NCR3LG1: variants seen among roughly 807,000 people sequenced by gnomAD.
The protein encoded by NCR3LG1 is natural cytotoxicity triggering receptor 3 ligand 1.
NCR3LG1 carries 35 observed loss-of-function variants against 34.8 expected under a neutral mutation model. The ratio of observed to expected loss-of-function variants is 1.01; its 90% CI spans 0.77 to 1.33. NCR3LG1 has a LOEUF of 1.33. Among genes scored for constraint, NCR3LG1 ranks in the 40% most tolerant of loss-of-function variants. NCR3LG1 has a pLI of 0.00. For missense variants in NCR3LG1, 452 were observed against 423.3 expected (o/e 1.07, Z -0.60); for synonymous variants, 173 against 163.6 (o/e 1.06, Z -0.44).
downstream of NCR3LG1, among the ~76,000 whole-genome samples, chr11:17,378,619 A>G (rs1189938538): frequency 6.6e-6 from 1 of 152,158 alleles, no homozygotes; most frequent in African/African-American, 2.4e-5. Context: ...TCCAGCAGGA[A>G]GCAGCCAGGA....
chr11:17,373,120 TCAGA>T lies in NCR3LG1; in HGVS notation c.*612_*615del, dbSNP rs1224159852. On this transcript the variant is annotated 3_prime_UTR_variant, in exon 5 of 5. Transcript: ENST00000338965. ...TAATTTTGAAAGACAAGTTTATTAC[TCAGA>T]CAGCCCCTGATATCAGAAGGAAGCT... 2.0e-5 allele frequency: 3 copies of T among 152,184 alleles called. No individual in the cohort carries two copies. The highest frequency in any genetic ancestry group is 4.4e-5 in the Non-Finnish European group (3 of 68,062). 9.4% of individuals were successfully genotyped at this position (152,184 alleles called of 1,614,324 possible). A position where few individuals can be genotyped will look rare whatever the true frequency, so the allele number is the denominator to read the frequency against.
In NCR3LG1 at chr11:17,367,213, T is replaced by G; in HGVS notation, c.626T>G (p.Val209Gly). 1 of 1,536,470 alleles carries G rather than the reference T, an allele frequency of 6.5e-7. No individual in the cohort carries two copies. The highest frequency in any genetic ancestry group is 1.4e-5 in the African/African-American group (1 of 73,138). ...TIKNMDGTFNVTSCLKLNSSQ... is the reference protein window; with the variant it reads ...TIKNMDGTFNGTSCLKLNSSQ... ...AAGAATATGGATGGCACATTTAATG[T>G]CACTAGCTGCTTGAAGCTGAACTCC... is the stretch of plus-strand genomic sequence containing the variant. Residue 209 changes from valine (V) to glycine (G), a missense_variant, in exon 3 of 5, where the codon GTC becomes GGC. Physicochemically the swap from Val to Gly is moderately radical, Grantham distance 109. Coordinates refer to ENST00000338965, the MANE Select transcript of NCR3LG1 (RefSeq NM_001202439.3).
chr11:17,358,835 A>T (rs1159935263), intron 2 of NCR3LG1, among the ~76,000 whole-genome samples: 1 of 151,740 alleles, frequency 6.6e-6, no homozygotes, highest in African/African-American at 2.4e-5. Flanking sequence ...TTTTTCTCAA[A>T]TTTTTCCAGC....
chr11:17,378,914 A>G (rs780603750), downstream of NCR3LG1, among the ~76,000 whole-genome samples: 9 of 152,180 alleles, frequency 5.9e-5, no homozygotes, highest in Non-Finnish European at 1.0e-4. Flanking sequence ...TCCCTGAGAC[A>G]TGCGCAGTAA....
intron 2 of NCR3LG1, among the ~76,000 whole-genome samples, chr11:17,364,187 G>A (rs2133354014): frequency 6.6e-6 from 1 of 151,774 alleles, no homozygotes; most frequent in East Asian, 1.9e-4. Flanking sequence ...TTTCAGTTTG[G>A]GAAGTTTCTT....
Position 17,368,293 on chromosome 11 carries a change from G to A in NCR3LG1, c.761-574G>A, listed in dbSNP as rs561620981. On this transcript the variant is annotated intron_variant, in intron 3 of 4. Coordinates refer to ENST00000338965, the MANE Select transcript of NCR3LG1 (RefSeq NM_001202439.3). ...GCTCATATGCCTTGGTCATAGCTCTGGTCTTGGGTGTGGGTGGCTCTGCTG... is the reference window on the plus strand; with the variant it reads ...GCTCATATGCCTTGGTCATAGCTCTAGTCTTGGGTGTGGGTGGCTCTGCTG... Among the ~76,000 whole-genome samples, 4 of 152,266 alleles carry A rather than the reference G, an allele frequency of 2.6e-5. No homozygotes were observed. In the South Asian group the frequency reaches 8.3e-4, roughly 32 times the overall value.
chr11:17,374,807 C>T lies in NCR3LG1; in HGVS notation c.*2295C>T, dbSNP rs1448695083. The stretch of plus-strand genomic sequence containing the variant: ...TAAAACTCACTTCCTGACCTGGGAA[C>T]CTGAAGGTCAAAAGGCCATTAATCA... On this transcript the variant is annotated 3_prime_UTR_variant, in exon 5 of 5. Coordinates refer to ENST00000338965, the MANE Select transcript of NCR3LG1 (RefSeq NM_001202439.3). 2 of 152,160 alleles carry T rather than the reference C, an allele frequency of 1.3e-5. No individual in the cohort carries two copies. Among genetic ancestry groups the T allele is most frequent in the Non-Finnish European group, 2.9e-5 (2 of 68,018 alleles). 9.4% of individuals were successfully genotyped at this position (152,160 alleles called of 1,614,324 possible). A position where few individuals can be genotyped will look rare whatever the true frequency, so the allele number is the denominator to read the frequency against.
chr11:17,374,540 G>C lies in NCR3LG1; in HGVS notation c.*2028G>C, dbSNP rs1194511563. 2 of 152,130 alleles carry C rather than the reference G, an allele frequency of 1.3e-5. No individual in the cohort carries two copies. Among genetic ancestry groups the C allele is most frequent in the Non-Finnish European group, 2.9e-5 (2 of 68,044 alleles). 9.4% of individuals were successfully genotyped at this position (152,130 alleles called of 1,614,324 possible). On this transcript the variant is annotated 3_prime_UTR_variant, in exon 5 of 5. Coordinates refer to ENST00000338965, the MANE Select transcript of NCR3LG1 (RefSeq NM_001202439.3). Reference sequence around the variant, plus strand: ...TTTCCTAGCTGGAAAGGGATATAAGGCTTCAAAATCTAAGGCTCAGCTCTA... The same window carrying C: ...TTTCCTAGCTGGAAAGGGATATAAGCCTTCAAAATCTAAGGCTCAGCTCTA...
In NCR3LG1 at chr11:17,374,495, G is replaced by C. The variant is rs752350897; in HGVS notation, c.*1983G>C. The C allele has an allele frequency of 6.6e-6, 1 of 152,116 alleles. No individual in the cohort carries two copies. The highest frequency in any genetic ancestry group is 1.5e-5 in the Non-Finnish European group (1 of 68,032). 9.4% of individuals were successfully genotyped at this position (152,116 alleles called of 1,614,324 possible). On this transcript the variant is annotated 3_prime_UTR_variant, in exon 5 of 5. Transcript: ENST00000338965. Reference sequence around the variant, plus strand: ...CCCAACTGAGGAAGTTTCTTGAGACGGCACTGAGGCTCTCCTTAATTTCCT... The same window carrying C: ...CCCAACTGAGGAAGTTTCTTGAGACCGCACTGAGGCTCTCCTTAATTTCCT...
rs185009948 is a variant in NCR3LG1 at position 17,376,402 on chromosome 11, T to C, written c.*3890T>C. On this transcript the variant is annotated 3_prime_UTR_variant, in exon 5 of 5. Transcript: ENST00000338965. ...TAGGGCCGAGTCTGCTAGGACTTTT[T>C]ATTGGGTTTGGTAATACGTCACACC... 1 of 152,318 alleles carries C rather than the reference T, an allele frequency of 6.6e-6. No individual in the cohort carries two copies. Among genetic ancestry groups the C allele is most frequent in the African/African-American group, 2.4e-5 (1 of 41,570 alleles). The allele number at this position is 152,318 out of a possible 1,614,324, so 9.4% of individuals were successfully genotyped here. A position where few individuals can be genotyped will look rare whatever the true frequency, so the allele number is the denominator to read the frequency against.
intron 2 of NCR3LG1, among the ~76,000 whole-genome samples, chr11:17,361,071 C>G (rs563417955): frequency 6.6e-6 from 1 of 152,152 alleles, no homozygotes; most frequent in Admixed American, 6.5e-5. Context: ...CTTCTTTCCC[C>G]AGTACCACAC....
chr11:17,365,407 G>A (rs1375576986), intron 2 of NCR3LG1, among the ~76,000 whole-genome samples: 1 of 152,184 alleles, frequency 6.6e-6, no homozygotes, highest in African/African-American at 2.4e-5. Context: ...TGTTGGAGGA[G>A]AATCTGTTTA....
At chr11:17,355,487 C>T (rs187687176) in intron 1 of NCR3LG1, among the ~76,000 whole-genome samples, 19 of 151,300 alleles carry the variant, frequency 1.3e-4, no homozygotes, top group Admixed American at 7.9e-4. Flanking sequence ...GTAAATTTAA[C>T]GAAAGAAACA....
intron 4 of NCR3LG1, among the ~76,000 whole-genome samples, chr11:17,371,222 G>A (rs1379633773): frequency 1.3e-5 from 2 of 151,960 alleles, no homozygotes; most frequent in Non-Finnish European, 2.9e-5. Flanking sequence ...CTCCCTTTCT[G>A]ACCTCTGCTT....
rs1193089134 is a variant in NCR3LG1, at chr11:17,368,794, C to A, written c.761-73C>A. 37 of 983,308 alleles carry A rather than the reference C, an allele frequency of 3.8e-5. No homozygotes were observed. In the South Asian group the frequency reaches 4.2e-4, roughly 11 times the overall value. The allele number at this position is 983,308 out of a possible 1,614,324, so 60.9% of individuals were successfully genotyped here. ...GAGGATGACACAACCACACAGTTCCCAGCAGCAGTTGTGTGGTTTCTCTGG... is the reference window on the plus strand; with the variant it reads ...GAGGATGACACAACCACACAGTTCCAAGCAGCAGTTGTGTGGTTTCTCTGG... On this transcript the variant is annotated intron_variant, in intron 3 of 4. Coordinates refer to ENST00000338965, the MANE Select transcript of NCR3LG1 (RefSeq NM_001202439.3).
chr11:17,352,520 C>A (rs1002889329), intron 1 of NCR3LG1, among the ~76,000 whole-genome samples: 5 of 152,106 alleles, frequency 3.3e-5, no homozygotes, highest in African/African-American at 1.2e-4. Context: ...GAAGCGGAGT[C>A]CCCGATGCAA....
intron 1 of NCR3LG1, among the ~76,000 whole-genome samples, chr11:17,354,726 C>A (rs1347665907): frequency 6.6e-6 from 1 of 152,008 alleles, no homozygotes; most frequent in African/African-American, 2.4e-5. Context: ...TAGGTCAAGT[C>A]TGTTTTTGCT....
At chr11:17,368,532 AT>A (rs973406149) in intron 3 of NCR3LG1, among the ~76,000 whole-genome samples, 14 of 152,108 alleles carry the variant, frequency 9.2e-5, no homozygotes, top group Admixed American at 7.2e-4. Flanking sequence ...AAATGGAAAT[AT>A]ACCTTGCATG....
chr11:17,356,805 A>G lies in NCR3LG1; in HGVS notation c.225A>G (p.Glu75=), dbSNP rs1209064307. 2.6e-6 allele frequency: 4 copies of G among 1,536,118 alleles called. No individual in the cohort carries two copies. Among genetic ancestry groups the G allele is most frequent in the Non-Finnish European group, 3.5e-6 (4 of 1,146,944 alleles). ...GGAAGAGTCTGACGTTTGACAAAGA[A>G]GTCAAAGTCTTTGAATTTTTTGGAG... ...WFWKSLTFDK[E]VKVFEFFGDH... Residue 75 remains glutamate, a synonymous_variant, in exon 2 of 5, where the codon GAA becomes GAG. Transcript: ENST00000338965.
Sources: allele counts gnomAD v4.1 joint callset (sites outside exome capture counted in the v4.1 genomes callset), GRCh38; gene constraint gnomAD v4.1.1; transcripts MANE v1.5; gene names NCBI Gene and HGNC (gene_info 2026-07-23, HGNC 2026-07-21).